Variants in GRIN2A observed in about 807,000 individuals in gnomAD.
GRIN2A encodes the protein glutamate receptor ionotropic, NMDA 2A.
In GRIN2A, 22 loss-of-function variants were observed where a neutral mutation model predicts 113.4. That is an observed-to-expected ratio of 0.19 (90% CI 0.14 to 0.28). The LOEUF (loss-of-function observed/expected upper bound fraction) is 0.28. Among genes scored for constraint, GRIN2A ranks in the 10% least tolerant of loss-of-function variants. The pLI is 1.00. For synonymous variants in GRIN2A, 827 were observed against 738.4 expected (o/e 1.12, Z -1.94); for missense variants, 1,502 against 1,887.0 (o/e 0.80, Z 3.78).
intron 11 of GRIN2A, among the ~76,000 whole-genome samples, chr16:9,783,619 A>G (rs1275600892): frequency 6.6e-6 from 1 of 152,162 alleles, no homozygotes; most frequent in Non-Finnish European, 1.5e-5. Flanking sequence ...TCTAGTTTTC[A>G]CAATCACCAA....
chr16:9,981,432 G>C (rs534470626), intron 2 of GRIN2A, among the ~76,000 whole-genome samples: 72 of 152,268 alleles, frequency 4.7e-4, no homozygotes, highest in African/African-American at 1.6e-3. Flanking sequence ...AGAAAAAATA[G>C]TATAACAAAC....
intron 3 of GRIN2A, among the ~76,000 whole-genome samples, chr16:9,900,596 G>T (rs2043902689): frequency 6.6e-6 from 1 of 152,176 alleles, no homozygotes; most frequent in Admixed American, 6.5e-5. Context: ...GAAGCAGGGT[G>T]TATAGAGTAG....
intron 3 of GRIN2A, among the ~76,000 whole-genome samples, chr16:9,936,252 G>T (rs2044712009): frequency 6.6e-6 from 1 of 152,172 alleles, no homozygotes; most frequent in Non-Finnish European, 1.5e-5. Flanking sequence ...GAAACTCTGA[G>T]ATTGAGGCCC....
In GRIN2A at chr16:9,983,161, T is replaced by C. The variant is rs1174930345; in HGVS notation, c.415-44610A>G. Among the ~76,000 whole-genome samples the C allele has an allele frequency of 2.6e-5, 4 of 152,170 alleles. No homozygotes were observed. In the East Asian group the frequency reaches 7.7e-4, roughly 29 times the overall value. On this transcript the variant is annotated intron_variant, in intron 2 of 12. Coordinates refer to ENST00000330684, the MANE Select transcript of GRIN2A (RefSeq NM_001134407.3). ...TTTCTAGCTATTTAAAAATACACAA[T>C]ATATTTTTAACTATGGTCATCCTAC... is the stretch of plus-strand genomic sequence containing the variant.
chr16:10,007,307 T>G (rs986896105), intron 2 of GRIN2A, among the ~76,000 whole-genome samples: 1 of 152,262 alleles, frequency 6.6e-6, no homozygotes, highest in South Asian at 2.1e-4. Flanking sequence ...TTGCCTGTCT[T>G]TTGTAAAAAA....
chr16:10,176,133 G>A (rs1051408925), intron 2 of GRIN2A, among the ~76,000 whole-genome samples: 1 of 151,210 alleles, frequency 6.6e-6, no homozygotes, highest in Non-Finnish European at 1.5e-5. Flanking sequence ...AGCCTCCTGA[G>A]TAGCTGGGAT....
chr16:10,161,216 T>C (rs951525703), intron 2 of GRIN2A, among the ~76,000 whole-genome samples: 18 of 152,164 alleles, frequency 1.2e-4, no homozygotes, highest in Non-Finnish European at 2.1e-4. Context: ...TAGGGGCTTT[T>C]CCCCCTTTTG....
chr16:9,830,212 T>C (rs1477461818), intron 8 of GRIN2A, among the ~76,000 whole-genome samples: 1 of 152,206 alleles, frequency 6.6e-6, no homozygotes, highest in African/African-American at 2.4e-5. Flanking sequence ...CATTAAGGAA[T>C]GGAACAATAG....
At chr16:9,768,287 C>T (rs1336548608) in intron 12 of GRIN2A, among the ~76,000 whole-genome samples, 1 of 152,094 alleles carries the variant, frequency 6.6e-6, no homozygotes, top group Non-Finnish European at 1.5e-5. Flanking sequence ...CTCCTGACCT[C>T]GTGATCCGCC....
intron 2 of GRIN2A, among the ~76,000 whole-genome samples, chr16:10,161,528 T>C (rs866960205): frequency 6.6e-6 from 1 of 152,224 alleles, no homozygotes; most frequent in Non-Finnish European, 1.5e-5. Flanking sequence ...CTGCATGAAT[T>C]TTTAAGATCA....
At chr16:9,993,699 G>A (rs983867977) in intron 2 of GRIN2A, among the ~76,000 whole-genome samples, 8 of 152,164 alleles carry the variant, frequency 5.3e-5, no homozygotes, top group East Asian at 1.9e-4. Context: ...CAGAGGAAAT[G>A]GGTGGCTTGC....
At chr16:9,840,239 C>G (rs1427280836) in intron 7 of GRIN2A, among the ~76,000 whole-genome samples, 6 of 152,062 alleles carry the variant, frequency 3.9e-5, no homozygotes, top group African/African-American at 1.2e-4. Flanking sequence ...AGGAAGCAGA[C>G]ACGTCTTACA....
intron 2 of GRIN2A, among the ~76,000 whole-genome samples, chr16:10,039,684 G>C (rs1009934950): frequency 3.3e-5 from 5 of 151,252 alleles, no homozygotes; most frequent in Non-Finnish European, 7.4e-5. Flanking sequence ...CTACTCCTGG[G>C]AGGGGCCTTT....
chr16:9,860,840 C>G (rs983225450), intron 4 of GRIN2A, among the ~76,000 whole-genome samples: 2 of 152,110 alleles, frequency 1.3e-5, no homozygotes, highest in Non-Finnish European at 2.9e-5. Context: ...GCTGGCCAGT[C>G]TTCCTCAACC....
intron 2 of GRIN2A, among the ~76,000 whole-genome samples, chr16:10,172,251 A>G (rs1188028182): frequency 6.6e-6 from 1 of 152,200 alleles, no homozygotes; most frequent in Non-Finnish European, 1.5e-5. Context: ...CTCTTTGTCC[A>G]AGGTTTTCTT....
chr16:10,040,750 A>C (rs906635914), intron 2 of GRIN2A, among the ~76,000 whole-genome samples: 4 of 152,190 alleles, frequency 2.6e-5, no homozygotes, highest in African/African-American at 7.2e-5. Flanking sequence ...ATGGAGACAC[A>C]CCCACGCAAC....
chr16:10,042,530 A>G (rs2047183964), intron 2 of GRIN2A, among the ~76,000 whole-genome samples: 1 of 152,198 alleles, frequency 6.6e-6, no homozygotes, highest in Non-Finnish European at 1.5e-5. Flanking sequence ...GCCTCACAAG[A>G]GACCCTAGGC....
intron 2 of GRIN2A, among the ~76,000 whole-genome samples, chr16:10,088,483 T>C (rs746982327): frequency 2.6e-5 from 4 of 152,154 alleles, no homozygotes; most frequent in Non-Finnish European, 5.9e-5. Context: ...CAACAATCTA[T>C]ACCCACCCTA....
intron 3 of GRIN2A, among the ~76,000 whole-genome samples, chr16:9,935,520 A>T (rs1195027396): frequency 3.8e-5 from 5 of 132,530 alleles, no homozygotes; most frequent in Admixed American, 7.2e-5. Context: ...CATCACACAC[A>T]CACACACACA....
Sources: allele counts gnomAD v4.1 joint callset (sites outside exome capture counted in the v4.1 genomes callset), GRCh38; gene constraint gnomAD v4.1.1; transcripts MANE v1.5; gene names NCBI Gene and HGNC (gene_info 2026-07-23, HGNC 2026-07-21).